ACTR3C: variants seen among roughly 807,000 people sequenced by gnomAD.
The protein encoded by ACTR3C is actin-related protein 3C.
Under a neutral mutation model 26.3 loss-of-function variants are expected in ACTR3C, and 18 were observed. The observed-to-expected ratio is 0.68, with a 90% CI of 0.47 to 1.01. ACTR3C has a LOEUF of 1.01. Ranked by LOEUF, ACTR3C falls within the 50% of genes least tolerant of loss-of-function variation. The pLI, the probability that ACTR3C is intolerant of heterozygous loss-of-function variation, is 0.00. For synonymous variants in ACTR3C, 55 were observed against 94.5 expected, an observed-to-expected ratio of 0.58 and a Z score of 2.42; for missense variants, 184 against 250.7, an observed-to-expected ratio of 0.73 and a Z score of 1.80.
At chr7:150,035,540 CT>C in the ACTR3C span, among the ~76,000 whole-genome samples, 50 of 121,664 alleles carry the variant, frequency 4.1e-4, no homozygotes, top group Non-Finnish European at 6.7e-4. Flanking sequence ...GTGCCTCCCC[CT>C]CCTGCGATGG....
chr7:150,053,076 C>T, the ACTR3C span, among the ~76,000 whole-genome samples: 1 of 130,900 alleles, frequency 7.6e-6, no homozygotes, highest in East Asian at 2.4e-4. Context: ...GGAGGAGGCA[C>T]GAACTCCTGT....
Position 150,295,347 on chromosome 7 carries a change from T to C in ACTR3C, c.-51A>G, listed in dbSNP as rs1202002426. The C allele has an allele frequency of 4.3e-6, 7 of 1,612,694 alleles. No homozygotes were observed. The highest frequency in any genetic ancestry group is 5.1e-6 in the Non-Finnish European group (6 of 1,178,754). On this transcript the variant is annotated splice_region_variant and 5_prime_UTR_variant, in exon 2 of 8. Transcript: ENST00000683684. ...TCTGGTGTATTGAGTGGAGGTTCTG[T>C]CTGTAAGAAAACATTCACTATATTT...
At chr7:150,177,521 G>T in the ACTR3C span, among the ~76,000 whole-genome samples, 1 of 150,830 alleles carries the variant, frequency 6.6e-6, no homozygotes. Flanking sequence ...AAAAGTCCCA[G>T]TTCCAGTATG....
chr7:150,259,797 G>A (rs1217982164), intron 6 of ACTR3C, among the ~76,000 whole-genome samples: 1 of 152,162 alleles, frequency 6.6e-6, no homozygotes, highest in Non-Finnish European at 1.5e-5. Context: ...GCTTCTCAAA[G>A]GTGCCCCACC....
chr7:150,113,514 G>T, the ACTR3C span, among the ~76,000 whole-genome samples: 1 of 152,204 alleles, frequency 6.6e-6, no homozygotes, highest in Non-Finnish European at 1.5e-5. Flanking sequence ...TGAAGCCCCA[G>T]GCATGGTACT....
chr7:149,948,925 A>G, the ACTR3C span, among the ~76,000 whole-genome samples: 2 of 151,720 alleles, frequency 1.3e-5, no homozygotes, highest in African/African-American at 4.9e-5. Context: ...GTTTGGGTTC[A>G]TTTAGGAAAG....
At chr7:150,133,480 C>A in the ACTR3C span, among the ~76,000 whole-genome samples, 1 of 152,170 alleles carries the variant, frequency 6.6e-6, no homozygotes, top group Admixed American at 6.5e-5. Context: ...GCAAGGCCAT[C>A]TCCTTCAGAG....
chr7:149,896,034 C>CAAA, the ACTR3C span, among the ~76,000 whole-genome samples: 431 of 82,438 alleles, frequency 5.2e-3, 1 homozygote, highest in South Asian at 0.023. Flanking sequence ...CCTGTCTCTA[C>CAAA]AAAAAAAAAA....
At chr7:149,992,085 G>A in the ACTR3C span, among the ~76,000 whole-genome samples, 1 of 150,808 alleles carries the variant, frequency 6.6e-6, no homozygotes, top group African/African-American at 2.4e-5. Context: ...ACACACAGAG[G>A]TGTGCCACCA....
chr7:149,928,483 T>G, the ACTR3C span, among the ~76,000 whole-genome samples: 1 of 150,196 alleles, frequency 6.7e-6, no homozygotes, highest in Admixed American at 6.7e-5. Flanking sequence ...CCTCCCAAAG[T>G]GCTGGGACTA....
At chr7:150,260,152 T>C (rs1833538052) in intron 6 of ACTR3C, among the ~76,000 whole-genome samples, 1 of 152,238 alleles carries the variant, frequency 6.6e-6, no homozygotes, top group African/African-American at 2.4e-5. Context: ...GAGGCTGCCT[T>C]GTGGCCTGCA....
chr7:150,066,970 T>G, the ACTR3C span, among the ~76,000 whole-genome samples: 1 of 152,238 alleles, frequency 6.6e-6, no homozygotes, highest in African/African-American at 2.4e-5. Context: ...TGAAGGGTCC[T>G]CTTCTTTTCT....
the ACTR3C span, among the ~76,000 whole-genome samples, chr7:150,043,526 C>T: frequency 6.6e-6 from 1 of 152,246 alleles, no homozygotes; most frequent in Non-Finnish European, 1.5e-5. Context: ...ATATTAGTAA[C>T]AGCAGCAGCA....
chr7:150,110,684 A>G, the ACTR3C span, among the ~76,000 whole-genome samples: 1 of 87,884 alleles, frequency 1.1e-5, no homozygotes, highest in Admixed American at 1.5e-4. Context: ...GGGGATGATC[A>G]GTGGTGGGGC....
the ACTR3C span, among the ~76,000 whole-genome samples, chr7:150,097,394 A>T: frequency 6.6e-6 from 1 of 151,554 alleles, no homozygotes; most frequent in African/African-American, 2.4e-5. Context: ...ATTAGTGAAG[A>T]TTCATAAGCT....
the ACTR3C span, among the ~76,000 whole-genome samples, chr7:150,111,196 A>C: frequency 8.7e-4 from 109 of 125,060 alleles, 7 homozygotes; most frequent in African/African-American, 3.6e-3. Context: ...GACTCGCTCC[A>C]GCTGTGAGCA....
chr7:150,179,416 A>G, the ACTR3C span, among the ~76,000 whole-genome samples: 26 of 89,546 alleles, frequency 2.9e-4, no homozygotes, highest in South Asian at 0.01. Context: ...TAGACACAAC[A>G]GGAAAAAAAA....
chr7:150,003,708 TGTGTGGTGTCTG>T, the ACTR3C span, among the ~76,000 whole-genome samples: 52 of 152,264 alleles, frequency 3.4e-4, no homozygotes, highest in Admixed American at 2.4e-3. Flanking sequence ...GTGTGCTGTA[TGTGTGGTGTCTG>T]GTGTGGTGTG....
the ACTR3C span, among the ~76,000 whole-genome samples, chr7:150,141,424 C>T: frequency 6.6e-6 from 1 of 151,934 alleles, no homozygotes; most frequent in African/African-American, 2.4e-5. Flanking sequence ...TCATTTAGGA[C>T]CCATTAGTAA....
Sources: gnomAD v4.1 joint callset for allele counts (sites outside exome capture counted in the v4.1 genomes callset) on GRCh38, gnomAD v4.1.1 for gene constraint, MANE v1.5 for transcripts, NCBI Gene and HGNC (gene_info 2026-07-23, HGNC 2026-07-21) for gene names.